The following TOP2B variants were observed in gnomAD, a reference collection of about 807,000 sequenced individuals.
The protein encoded by TOP2B is DNA topoisomerase 2-beta.
In TOP2B, 51 loss-of-function variants were observed where a neutral mutation model predicts 193.5. That is an observed-to-expected ratio of 0.26 (90% confidence interval 0.21 to 0.33). The LOEUF (loss-of-function observed/expected upper bound fraction) is 0.33. Among genes scored for constraint, TOP2B ranks in the 10% least tolerant of loss-of-function variants. The pLI is 1.00. For missense variants in TOP2B, 1,378 were observed against 1,909.3 expected, an observed-to-expected ratio of 0.72 and a Z score of 5.19; for synonymous variants, 634 against 635.7, an observed-to-expected ratio of 1.00 and a Z score of 0.04.
At chr3:25,608,886 A>G (rs1702299857) in intron 30 of TOP2B, among the ~76,000 whole-genome samples, 1 of 152,202 alleles carries the variant, frequency 6.6e-6, no homozygotes, top group African/African-American at 2.4e-5. Flanking sequence ...TAATATTAAT[A>G]GATCTATCAT....
chr3:25,650,422 T>C (rs1703553190), intron 1 of TOP2B, among the ~76,000 whole-genome samples: 1 of 152,244 alleles, frequency 6.6e-6, no homozygotes. Context: ...GCTTTGATTG[T>C]GCTTTGTCTT....
At chr3:25,616,822 T>G (rs918504486) in intron 25 of TOP2B, among the ~76,000 whole-genome samples, 1 of 151,998 alleles carries the variant, frequency 6.6e-6, no homozygotes, top group African/African-American at 2.4e-5. Context: ...TTAAGAAGTG[T>G]TCTATGAATA....
chr3:25,603,582 T>G (rs1434634955), intron 33 of TOP2B, among the ~76,000 whole-genome samples: 1 of 152,094 alleles, frequency 6.6e-6, no homozygotes, highest in East Asian at 1.9e-4. Flanking sequence ...AGGGTCCATC[T>G]CAATGTGGGT....
intron 27 of TOP2B, 50 bp downstream of exon 27, chr3:25,615,155 G>T (rs758548434): frequency 4.0e-6 from 6 of 1,491,990 alleles, no homozygotes; most frequent in Non-Finnish European, 4.6e-6. Context: ...TTTCATTCTT[G>T]TTCATAAACA....
Position 25,664,604 on chromosome 3 carries a change from C to T in TOP2B, c.-307G>A. 4 of 1,001,218 alleles carry T rather than the reference C, an allele frequency of 4.0e-6. No individual in the cohort carries two copies. Among genetic ancestry groups the T allele is most frequent in the Non-Finnish European group, 4.8e-6 (4 of 841,062 alleles). The allele number at this position is 1,001,218 out of a possible 1,614,324, so 62.0% of individuals were successfully genotyped here. A position where few individuals can be genotyped will look rare whatever the true frequency, so the allele number is the denominator to read the frequency against. Reference sequence around the variant, plus strand: ...CGGCGGCGTTGCCTTCTCGCCCGCCCGCGGGCGCCGCTGCAGGCCGGGCTG... The same window carrying T: ...CGGCGGCGTTGCCTTCTCGCCCGCCTGCGGGCGCCGCTGCAGGCCGGGCTG... On this transcript the variant is annotated 5_prime_UTR_variant, in exon 1 of 36. Transcript: ENST00000264331.
At chr3:25,642,537 A>T (rs1486845508) in intron 3 of TOP2B, among the ~76,000 whole-genome samples, 152 bp from the exon 4 acceptor site, 1 of 152,030 alleles carries the variant, frequency 6.6e-6, no homozygotes, top group Non-Finnish European at 1.5e-5. Flanking sequence ...ATAAAATCTT[A>T]TTTTCCAAAT....
At chr3:25,615,160 T>A in intron 27 of TOP2B, 45 bp downstream of exon 27, 1 of 1,526,508 alleles carries the variant, frequency 6.6e-7, no homozygotes, top group South Asian at 1.2e-5. Flanking sequence ...TTCTTGTTCA[T>A]AAACATGACT....
chr3:25,645,000 C>G (rs1184615717), intron 2 of TOP2B, among the ~76,000 whole-genome samples: 1 of 151,062 alleles, frequency 6.6e-6, no homozygotes, highest in African/African-American at 2.4e-5. Context: ...TTATTAGAGA[C>G]AGAGTTTCAC....
Position 25,664,531 on chromosome 3 carries a change from T to G in TOP2B, c.-234A>C. 8.8e-7 allele frequency: 1 copy of G among 1,138,730 alleles called. No homozygotes were observed. The allele number at this position is 1,138,730 out of a possible 1,614,324, so 70.5% of individuals were successfully genotyped here. ...GCGCGGCGTCCGCGTCGCCCGGGCC[T>G]AGCGCGGCGGCTGAGGAGAAAGCAG... On this transcript the variant is annotated 5_prime_UTR_variant, in exon 1 of 36. Transcript: ENST00000264331.
intron 28 of TOP2B, among the ~76,000 whole-genome samples, chr3:25,610,638 T>C (rs1177028920): frequency 6.6e-6 from 1 of 152,206 alleles, no homozygotes; most frequent in East Asian, 1.9e-4. Context: ...CACAGAGGCA[T>C]ACAGGTGCTA....
At chr3:25,620,578 A>C in intron 22 of TOP2B, 104 bp downstream of exon 22, 1 of 1,241,788 alleles carries the variant, frequency 8.1e-7, no homozygotes, top group Non-Finnish European at 1.1e-6. Context: ...GGAATTTTTT[A>C]ACACTACGCA....
chr3:25,616,404 C>T (rs1400473918), intron 25 of TOP2B, among the ~76,000 whole-genome samples: 1 of 131,114 alleles, frequency 7.6e-6, no homozygotes, highest in Non-Finnish European at 1.6e-5. Context: ...CTTTTGGTAA[C>T]CAAAAGAGGA....
At chr3:25,632,248 T>C (rs1005028397) in intron 10 of TOP2B, among the ~76,000 whole-genome samples, 198 bp downstream of exon 10, 44 of 152,034 alleles carry the variant, frequency 2.9e-4, no homozygotes, top group African/African-American at 1.0e-3. Context: ...ACTTTAGTTC[T>C]TGGCAAAACA....
rs571459783 is a variant in TOP2B, at chr3:25,631,348, A to G, written c.1267-409T>C. ...CGTGAGTCTTTAATTCACTATGACA[A>G]AAAGTATTAACCTAAAAGGAACATT... On this transcript the variant is annotated intron_variant, in intron 10 of 35. Coordinates refer to ENST00000264331, the MANE Select transcript of TOP2B (RefSeq NM_001330700.2). Among the ~76,000 whole-genome samples, 5 of 152,214 alleles carry G rather than the reference A, an allele frequency of 3.3e-5. No homozygotes were observed. The East Asian group carries it at 9.6e-4, about 29-fold the overall frequency.
intron 33 of TOP2B, 62 bp from the exon 34 acceptor site, chr3:25,601,287 G>C: frequency 2.0e-6 from 3 of 1,536,306 alleles, no homozygotes; most frequent in Non-Finnish European, 2.6e-6. Context: ...ACTGAAGAGA[G>C]TCCTATATAA....
chr3:25,602,437 TC>T (rs1435362126), intron 33 of TOP2B, among the ~76,000 whole-genome samples: 1 of 129,170 alleles, frequency 7.7e-6, no homozygotes, highest in East Asian at 2.2e-4. Flanking sequence ...AACTGATAAA[TC>T]ACTTTTTGTA....
At chr3:25,628,819 T>TA (rs772779852) in intron 15 of TOP2B, 28 bp downstream of exon 15, 8 of 1,329,340 alleles carry the variant, frequency 6.0e-6, no homozygotes, top group Non-Finnish European at 8.3e-6. Flanking sequence ...TATCAGTATT[T>TA]AAAATCTAAG....
intron 21 of TOP2B, among the ~76,000 whole-genome samples, chr3:25,621,082 C>T (rs551636771): frequency 1.3e-5 from 2 of 152,308 alleles, no homozygotes; most frequent in African/African-American, 4.8e-5. Context: ...CTACTTCTCT[C>T]CTAGATCAAT....
At chr3:25,630,969 C>T (rs756815615) in intron 10 of TOP2B, 30 bp from the exon 11 acceptor site, 3 of 1,543,652 alleles carry the variant, frequency 1.9e-6, no homozygotes, top group Admixed American at 4.5e-5. Context: ...GGTATACAAA[C>T]AAGCTGAAAA....
Sources: allele counts gnomAD v4.1 joint callset (sites outside exome capture counted in the v4.1 genomes callset), GRCh38; gene constraint gnomAD v4.1.1; transcripts MANE v1.5; gene names NCBI Gene and HGNC (gene_info 2026-07-23, HGNC 2026-07-21).